The following CCDC7 variants were observed in gnomAD, a reference collection of about 807,000 sequenced individuals.
CCDC7 encodes coiled-coil domain containing 7, also known as coiled-coil domain-containing protein 7.
A neutral mutation model predicts 196.9 loss-of-function variants in CCDC7; 183 were observed. The observed-to-expected ratio is 0.93, with a 90% confidence interval of 0.82 to 1.05. CCDC7 has a LOEUF of 1.05. Ranked by LOEUF, CCDC7 falls within the 50% of genes least tolerant of loss-of-function variation. The pLI, the probability that CCDC7 is intolerant of heterozygous loss-of-function variation, is 0.00. For synonymous variants in CCDC7, 525 were observed against 484.6 expected, an observed-to-expected ratio of 1.08 and a Z score of -1.10; for missense variants, 1,540 against 1,482.2, an observed-to-expected ratio of 1.04 and a Z score of -0.64.
chr10:32,613,345 T>C (rs2062399483), intron 18 of CCDC7, among the ~76,000 whole-genome samples: 1 of 151,846 alleles, frequency 6.6e-6, no homozygotes, highest in African/African-American at 2.4e-5. Context: ...TATTTTGTTA[T>C]TCTTTTCAAA....
chr10:32,635,722 A>G (rs2065521517), intron 20 of CCDC7, among the ~76,000 whole-genome samples: 1 of 152,068 alleles, frequency 6.6e-6, no homozygotes, highest in Non-Finnish European at 1.5e-5. Context: ...TGGTATTTGC[A>G]TGATACATTT....
intron 13 of CCDC7, among the ~76,000 whole-genome samples, chr10:32,562,417 A>G (rs2055875002): frequency 6.6e-6 from 1 of 152,182 alleles, no homozygotes; most frequent in Non-Finnish European, 1.5e-5. Context: ...ATACTGGCAA[A>G]CCGAATCCAG....
intron 24 of CCDC7, among the ~76,000 whole-genome samples, chr10:32,704,612 T>G (rs2079372426): frequency 6.6e-6 from 1 of 152,078 alleles, no homozygotes; most frequent in African/African-American, 2.4e-5. Context: ...CAGAGGTGGA[T>G]TCTACTGAGG....
chr10:32,750,233 G>A (rs1304630216), intron 28 of CCDC7, among the ~76,000 whole-genome samples: 4 of 152,000 alleles, frequency 2.6e-5, no homozygotes, highest in Non-Finnish European at 5.9e-5. Context: ...CTGTATGAAG[G>A]CACTACTGTT....
At chr10:32,864,284 G>A (rs1342820824) in intron 41 of CCDC7, among the ~76,000 whole-genome samples, 2 of 151,548 alleles carry the variant, frequency 1.3e-5, no homozygotes, top group Non-Finnish European at 3.0e-5. Context: ...ACAACTGTTG[G>A]TAAGGATGTG....
At chr10:32,667,542 TG>T (rs2073064774) in intron 21 of CCDC7, among the ~76,000 whole-genome samples, 1 of 152,224 alleles carries the variant, frequency 6.6e-6, no homozygotes, top group Admixed American at 6.5e-5. Context: ...AATTAATTTT[TG>T]TATAAGGTGT....
At chr10:32,560,545 C>T (rs1374166005) in intron 13 of CCDC7, among the ~76,000 whole-genome samples, 1 of 119,706 alleles carries the variant, frequency 8.4e-6, no homozygotes, top group East Asian at 2.4e-4. Context: ...AGAATTTTCA[C>T]CCAGAATTTC....
rs1554812977 is a variant in CCDC7 at position 32,511,265 on chromosome 10, G to GGGC, written c.873-6678_873-6677insCGG. The stretch of plus-strand genomic sequence containing the variant: ...ACAGAATTATTCTGTGGGGGGCGGG[G>GGGC]GGGGCGGGGAAATGTACTTTTTGAA... On this transcript the variant is annotated intron_variant, in intron 9 of 41. Transcript: ENST00000639629. 5 of 542,386 alleles carry GGGC rather than the reference G, an allele frequency of 9.2e-6. 1 individual carries two copies. Among genetic ancestry groups the GGGC allele is most frequent in the Admixed American group, 6.5e-5 (2 of 30,608 alleles). 33.6% of individuals were successfully genotyped at this position (542,386 alleles called of 1,614,324 possible).
chr10:32,720,885 A>G (rs2082309171), intron 25 of CCDC7, among the ~76,000 whole-genome samples: 2 of 152,128 alleles, frequency 1.3e-5, no homozygotes, highest in South Asian at 4.1e-4. Context: ...TGAGCTCAGG[A>G]GTTCAAGACC....
intron 24 of CCDC7, among the ~76,000 whole-genome samples, chr10:32,703,239 G>C (rs531205543): frequency 6.6e-6 from 1 of 152,154 alleles, no homozygotes; most frequent in Non-Finnish European, 1.5e-5. Flanking sequence ...GCACTTGCTT[G>C]TTTGTAAAGG....
At chr10:32,452,582 C>T (rs924877068) in intron 1 of CCDC7, among the ~76,000 whole-genome samples, 11 of 152,300 alleles carry the variant, frequency 7.2e-5, no homozygotes, top group African/African-American at 1.9e-4. Flanking sequence ...CTCAGTCTCC[C>T]GAGTAGCTGG....
rs908940807 is a variant in CCDC7, at chr10:32,523,607, A to G, written c.993+5102A>G. ...TCCAGCTATTATTGTATTGATATCT[A>G]TCTTTCTCTTTAGCTCTAATAATAT... On this transcript the variant is annotated intron_variant, in intron 11 of 41. Coordinates refer to ENST00000639629, the Ensembl canonical transcript of CCDC7. Among the ~76,000 whole-genome samples, 17 of 151,264 alleles carry G rather than the reference A, an allele frequency of 1.1e-4. 1 individual carries two copies. Among genetic ancestry groups the G allele is most frequent in the South Asian group, 4.2e-4 (2 of 4,806 alleles).
At chr10:32,876,389 T>C (rs1212719512) in exon 42 of CCDC7, 1 of 1,609,934 alleles carries the variant, frequency 6.2e-7, no homozygotes, top group Admixed American at 1.7e-5. Context: ...CACCCATACT[T>C]TTGAGAATGA....
intron 24 of CCDC7, among the ~76,000 whole-genome samples, 170 bp from the exon 26 acceptor site, chr10:32,711,449 AC>A (rs2080825609): frequency 6.6e-6 from 1 of 152,178 alleles, no homozygotes; most frequent in Non-Finnish European, 1.5e-5. Flanking sequence ...TCTTCAACAT[AC>A]ATTGAAACTT....
At chr10:32,652,898 A>T (rs1404391313) in intron 20 of CCDC7, among the ~76,000 whole-genome samples, 1 of 152,196 alleles carries the variant, frequency 6.6e-6, no homozygotes, top group Non-Finnish European at 1.5e-5. Context: ...AGATTTTTAT[A>T]AAAAATTTCT....
rs143776901 is a variant in CCDC7, at chr10:32,517,390, G to A, written c.873-555G>A. The stretch of plus-strand genomic sequence containing the variant: ...ACCCACTAATAAAAATTACAGAATG[G>A]AAAAGTTACATGCAGTATTGTGTAA... On this transcript the variant is annotated intron_variant, in intron 9 of 41. Transcript: ENST00000639629. Among the ~76,000 whole-genome samples the A allele has an allele frequency of 4.9e-3, 748 of 152,064 alleles. 6 individuals carry two copies. The highest frequency in any genetic ancestry group is 0.017 in the African/African-American group (711 of 41,480).
intron 9 of CCDC7, among the ~76,000 whole-genome samples, chr10:32,516,078 AC>A (rs750524948): frequency 1.3e-5 from 2 of 152,170 alleles, no homozygotes; most frequent in Non-Finnish European, 2.9e-5. Flanking sequence ...ATGAAAAAAA[AC>A]CACTCATAGA....
Position 32,866,927 on chromosome 10 carries a change from G to A in CCDC7, c.4112-9420G>A, listed in dbSNP as rs143684476. 2.9e-4 allele frequency among the ~76,000 whole-genome samples: 44 copies of A among 151,432 alleles called. No homozygotes were observed. The East Asian group carries it at 7.6e-3, about 26-fold the overall frequency. On this transcript the variant is annotated intron_variant, in intron 41 of 41. Transcript: ENST00000639629. ...TTGAAAAAATATAACCCATTGAGAA[G>A]GACACAACATTACATCTGGGATACT...
At chr10:32,720,189 A>T (rs1209970188) in intron 25 of CCDC7, among the ~76,000 whole-genome samples, 1 of 152,188 alleles carries the variant, frequency 6.6e-6, no homozygotes, top group South Asian at 2.1e-4. Context: ...TGGCACATAT[A>T]CACCATGGAA....
Sources: allele counts gnomAD v4.1 joint callset (sites outside exome capture counted in the v4.1 genomes callset), GRCh38; gene constraint gnomAD v4.1.1; transcripts MANE v1.5; gene names NCBI Gene and HGNC (gene_info 2026-07-23, HGNC 2026-07-21).